Variants in FOXL2NB observed in about 807,000 individuals in gnomAD.
The protein encoded by FOXL2NB is FOXL2 neighbor protein.
FOXL2NB carries 10 observed loss-of-function variants against 7.4 expected under a neutral mutation model. That is an observed-to-expected ratio of 1.34 (90% confidence interval 0.83 to 2.28). FOXL2NB has a LOEUF of 2.28. FOXL2NB is among the 30% of genes most tolerant of loss of function. FOXL2NB has a pLI of 0.00. For missense variants in FOXL2NB, 228 were observed against 233.9 expected, an observed-to-expected ratio of 0.97 and a Z score of 0.17; for synonymous variants, 104 against 105.3, an observed-to-expected ratio of 0.99 and a Z score of 0.08.
rs1936074847 is a variant in FOXL2NB, at chr3:138,949,616, G to A, written c.197G>A (p.Arg66Gln). 1 of 1,552,014 alleles carries A rather than the reference G, an allele frequency of 6.4e-7. No homozygotes were observed. The highest frequency in any genetic ancestry group is 1.1e-5 in the South Asian group (1 of 89,370). Residue 66 changes from arginine (R) to glutamine (Q), a missense_variant, in exon 2 of 3, where the codon CGG becomes CAG. Arg to Gln is a conservative substitution (Grantham distance 43, BLOSUM62 1). Transcript: ENST00000383165. This position sits in a 1 kb window ranked among gnomAD's most constrained non-coding sequence, Gnocchi z 4.5. ...LPKMCLHMAV[R>Q]HSKAQKTGPG... ...AAGATGTGCCTTCACATGGCTGTCC[G>A]GCATTCGAAGGCTCAGAAAACAGGC...
chr3:138,947,303 G>A lies in FOXL2NB; in HGVS notation c.-62G>A, dbSNP rs912548249. 11 of 1,373,696 alleles carry A rather than the reference G, an allele frequency of 8.0e-6. No individual in the cohort carries two copies. The African/African-American group carries it at 1.6e-4, about 20-fold the overall frequency. The allele number at this position is 1,373,696 out of a possible 1,614,324, so 85.1% of individuals were successfully genotyped here. ...CCCAGCGAGCCTCAGGGGCCCAGCC[G>A]ACAGCCAGGCTCACGCGCCCTTGAA... On this transcript the variant is annotated 5_prime_UTR_variant, in exon 1 of 3. Coordinates refer to ENST00000383165, the MANE Select transcript of FOXL2NB (RefSeq NM_001040061.3). This position sits in a 1 kb window ranked among gnomAD's most constrained non-coding sequence, Gnocchi z 5.2.
intron 2 of FOXL2NB, chr3:138,950,058 G>C (rs1178545732): frequency 9.8e-6 from 7 of 715,006 alleles, no homozygotes; most frequent in African/African-American, 1.7e-5. Flanking sequence ...AGTTTTCCAG[G>C]GTCCCGCAGC....
rs1936172844 is a variant in FOXL2NB at position 138,953,416 on chromosome 3, TA to T, written c.*2845del. The T allele has an allele frequency of 6.6e-6, 1 of 152,280 alleles. No homozygotes were observed. The highest frequency in any genetic ancestry group is 2.4e-5 in the African/African-American group (1 of 41,478). 9.4% of individuals were successfully genotyped at this position (152,280 alleles called of 1,614,324 possible). On this transcript the variant is annotated 3_prime_UTR_variant, in exon 3 of 3. Transcript: ENST00000383165. ...TCCATACTTGAGTTACTTCACTTAGTATAATGGTCTCCAGCTCCATCCAGGT... is the reference window on the plus strand; with the variant it reads ...TCCATACTTGAGTTACTTCACTTAGTTAATGGTCTCCAGCTCCATCCAGGT...
rs1936064622 is a variant in FOXL2NB, at chr3:138,949,244, C to CT, written c.101-273dup. On this transcript the variant is annotated intron_variant, in intron 1 of 2. Transcript: ENST00000383165. This position sits in a 1 kb window ranked among gnomAD's most constrained non-coding sequence, Gnocchi z 4.5. ...AGGCTGGCTCTCTGCGTCTCTCTGTCTTTCTTTCTTCTTCTCACAGGCATT... is the reference window on the plus strand; with the variant it reads ...AGGCTGGCTCTCTGCGTCTCTCTGTCTTTTCTTTCTTCTTCTCACAGGCATT... Among the ~76,000 whole-genome samples the CT allele has an allele frequency of 6.6e-6, 1 of 151,690 alleles. No individual in the cohort carries two copies. Among genetic ancestry groups the CT allele is most frequent in the South Asian group, 2.1e-4 (1 of 4,794 alleles).
At chr3:138,950,212 A>G (rs1427553236) in intron 2 of FOXL2NB, 53 bp from the exon 3 acceptor site, 1 of 1,579,004 alleles carries the variant, frequency 6.3e-7, no homozygotes, top group South Asian at 1.1e-5. Context: ...GGAGGTCCCG[A>G]CAGCCGGCGC....
rs541876005 is a variant in FOXL2NB at position 138,949,088 on chromosome 3, C to A, written c.101-432C>A. Among the ~76,000 whole-genome samples, 1 of 152,256 alleles carries A rather than the reference C, an allele frequency of 6.6e-6. No individual in the cohort carries two copies. Among genetic ancestry groups the A allele is most frequent in the East Asian group, 1.9e-4 (1 of 5,184 alleles). On this transcript the variant is annotated intron_variant, in intron 1 of 2. Coordinates refer to ENST00000383165, the MANE Select transcript of FOXL2NB (RefSeq NM_001040061.3). This position sits in a 1 kb window ranked among gnomAD's most constrained non-coding sequence, Gnocchi z 4.5. ...GAGTGGTGAGTCCGGTTTGGGGCTG[C>A]TGCAGATTGGCCTCAGTGCCTATCC...
chr3:138,950,880 A>G lies in FOXL2NB; in HGVS notation c.*308A>G. On this transcript the variant is annotated 3_prime_UTR_variant, in exon 3 of 3. Coordinates refer to ENST00000383165, the MANE Select transcript of FOXL2NB (RefSeq NM_001040061.3). ...CACACGCTGCTCACTTTCGCATCTC[A>G]CGGTGCAGAAGGACCAATGGGCTCC... The G allele has an allele frequency of 5.2e-6, 2 of 382,460 alleles. No homozygotes were observed. Among genetic ancestry groups the G allele is most frequent in the Non-Finnish European group, 9.4e-6 (2 of 212,330 alleles). 23.7% of individuals were successfully genotyped at this position (382,460 alleles called of 1,614,324 possible).
In FOXL2NB at chr3:138,950,458, C is replaced by T. The variant is rs768099953; in HGVS notation, c.414C>T (p.Thr138=). Residue 138 remains threonine, a synonymous_variant, in exon 3 of 3, where the codon ACC becomes ACT. Coordinates refer to ENST00000383165, the MANE Select transcript of FOXL2NB (RefSeq NM_001040061.3). ...LSPFLAGPRN[T]RRLPAPERER... The stretch of plus-strand genomic sequence containing the variant: ...CTTTCCTAGCGGGACCCCGAAACAC[C>T]CGGCGGCTTCCCGCTCCTGAGCGGG... 1.2e-6 allele frequency: 2 copies of T among 1,614,128 alleles called. No homozygotes were observed. Among genetic ancestry groups the T allele is most frequent in the South Asian group, 2.2e-5 (2 of 91,084 alleles).
In FOXL2NB at chr3:138,947,817, G is replaced by C; in HGVS notation, c.100+353G>C. On this transcript the variant is annotated intron_variant, in intron 1 of 2. Transcript: ENST00000383165. The surrounding 1 kb of genome is among the most constrained non-coding windows in gnomAD (Gnocchi z 5.2). ...CTAATCCTACGGGGTTGGAGTGAAG[G>C]TTGGATGTGTGCTTTAACAGCACCA... 1 of 1,049,686 alleles carries C rather than the reference G, an allele frequency of 9.5e-7. No individual in the cohort carries two copies. The highest frequency in any genetic ancestry group is 1.1e-6 in the Non-Finnish European group (1 of 871,296). The allele number at this position is 1,049,686 out of a possible 1,614,324, so 65.0% of individuals were successfully genotyped here.
intron 1 of FOXL2NB, among the ~76,000 whole-genome samples, chr3:138,948,728 G>T (rs913192590): frequency 6.6e-6 from 1 of 152,172 alleles, no homozygotes; most frequent in African/African-American, 2.4e-5. Flanking sequence ...GCATCCACAG[G>T]CCATCTACAA....
In FOXL2NB at chr3:138,950,807, A is replaced by T. The variant is rs148747328; in HGVS notation, c.*235A>T. 1 of 556,976 alleles carries T rather than the reference A, an allele frequency of 1.8e-6. No individual in the cohort carries two copies. Among genetic ancestry groups the T allele is most frequent in the South Asian group, 2.4e-5 (1 of 40,884 alleles). 34.5% of individuals were successfully genotyped at this position (556,976 alleles called of 1,614,324 possible). On this transcript the variant is annotated 3_prime_UTR_variant, in exon 3 of 3. Coordinates refer to ENST00000383165, the MANE Select transcript of FOXL2NB (RefSeq NM_001040061.3). ...ACACGTACTAATTCAGATTTTGCAC[A>T]TGTTGGTGGAAAACATGTCAAGCCA...
Position 138,947,863 on chromosome 3 carries a change from T to G in FOXL2NB, c.100+399T>G. 9.9e-7 allele frequency: 1 copy of G among 1,005,842 alleles called. No individual in the cohort carries two copies. The highest frequency in any genetic ancestry group is 1.2e-6 in the Non-Finnish European group (1 of 843,534). 62.3% of individuals were successfully genotyped at this position (1,005,842 alleles called of 1,614,324 possible). A position where few individuals can be genotyped will look rare whatever the true frequency, so the allele number is the denominator to read the frequency against. On this transcript the variant is annotated intron_variant, in intron 1 of 2. Coordinates refer to ENST00000383165, the MANE Select transcript of FOXL2NB (RefSeq NM_001040061.3). This position sits in a 1 kb window ranked among gnomAD's most constrained non-coding sequence, Gnocchi z 5.2. ...CACCAAGTAGATGCCCCTCAGCTAT[T>G]GCACTAACACAGGCGGGGCTGTTGC... is the stretch of plus-strand genomic sequence containing the variant.
Position 138,950,724 on chromosome 3 carries a change from C to T in FOXL2NB, c.*152C>T, listed in dbSNP as rs192897846. 38 of 762,782 alleles carry T rather than the reference C, an allele frequency of 5.0e-5. No homozygotes were observed. In the East Asian group the frequency reaches 9.9e-4, roughly 20 times the overall value. 47.3% of individuals were successfully genotyped at this position (762,782 alleles called of 1,614,324 possible). A position where few individuals can be genotyped will look rare whatever the true frequency, so the allele number is the denominator to read the frequency against. ...CACTTCTCTCTCCTTCTCCCTCTGT[C>T]AACTCCAAATCCCCTCTAGTTCTCC... On this transcript the variant is annotated 3_prime_UTR_variant, in exon 3 of 3. Transcript: ENST00000383165.
rs956084949 is a variant in FOXL2NB at position 138,947,809 on chromosome 3, G to C, written c.100+345G>C. On this transcript the variant is annotated intron_variant, in intron 1 of 2. Coordinates refer to ENST00000383165, the MANE Select transcript of FOXL2NB (RefSeq NM_001040061.3). This position sits in a 1 kb window ranked among gnomAD's most constrained non-coding sequence, Gnocchi z 5.2. ...TCCGTGTACTAATCCTACGGGGTTG[G>C]AGTGAAGGTTGGATGTGTGCTTTAA... The C allele has an allele frequency of 1.9e-6, 2 of 1,065,046 alleles. No individual in the cohort carries two copies. Among genetic ancestry groups the C allele is most frequent in the African/African-American group, 3.4e-5 (2 of 59,136 alleles). The allele number at this position is 1,065,046 out of a possible 1,614,324, so 66.0% of individuals were successfully genotyped here.
Position 138,950,754 on chromosome 3 carries a change from C to T in FOXL2NB, c.*182C>T. On this transcript the variant is annotated 3_prime_UTR_variant, in exon 3 of 3. Coordinates refer to ENST00000383165, the MANE Select transcript of FOXL2NB (RefSeq NM_001040061.3). ...CCAAATCCCCTCTAGTTCTCCCTCCCCTCCTACTTCTCTCACACTCACCAG... is the reference window on the plus strand; with the variant it reads ...CCAAATCCCCTCTAGTTCTCCCTCCTCTCCTACTTCTCTCACACTCACCAG... The T allele has an allele frequency of 1.6e-6, 1 of 633,004 alleles. No homozygotes were observed. The highest frequency in any genetic ancestry group is 2.7e-6 in the Non-Finnish European group (1 of 370,084). The allele number at this position is 633,004 out of a possible 1,614,324, so 39.2% of individuals were successfully genotyped here. A position where few individuals can be genotyped will look rare whatever the true frequency, so the allele number is the denominator to read the frequency against.
Position 138,949,585 on chromosome 3 carries a change from C to G in FOXL2NB, c.166C>G (p.Leu56Val). ...ACTLGRAGIG[L>V]PKMCLHMAVR... ...CACCCTGGGAAGGGCTGGAATCGGT[C>G]TCCCCAAGATGTGCCTTCACATGGC... is the stretch of plus-strand genomic sequence containing the variant. The change falls in exon 2 of 3, where the codon CTC becomes GTC. Residue 56 changes from leucine to valine, a missense_variant. Leu to Val is a conservative substitution (Grantham distance 32). Transcript: ENST00000383165. This position sits in a 1 kb window ranked among gnomAD's most constrained non-coding sequence, Gnocchi z 4.5. The G allele has an allele frequency of 6.2e-7, 1 of 1,613,814 alleles. No individual in the cohort carries two copies. The highest frequency in any genetic ancestry group is 8.5e-7 in the Non-Finnish European group (1 of 1,179,702).
chr3:138,950,735 C>A lies in FOXL2NB; in HGVS notation c.*163C>A. ...CCTTCTCCCTCTGTCAACTCCAAAT[C>A]CCCTCTAGTTCTCCCTCCCCTCCTA... On this transcript the variant is annotated 3_prime_UTR_variant, in exon 3 of 3. Coordinates refer to ENST00000383165, the MANE Select transcript of FOXL2NB (RefSeq NM_001040061.3). 1 of 694,472 alleles carries A rather than the reference C, an allele frequency of 1.4e-6. No individual in the cohort carries two copies. Among genetic ancestry groups the A allele is most frequent in the Non-Finnish European group, 2.4e-6 (1 of 414,468 alleles). 43.0% of individuals were successfully genotyped at this position (694,472 alleles called of 1,614,324 possible).
At position 138,949,691 on chromosome 3, in the gene FOXL2NB, T is replaced by C. The variant is rs772271367; in HGVS notation, c.220+52T>C. ...GCAGAATGATTACTTTCAGGTCCCC[T>C]CCAGGCTTCTGCGGAAAAGCCAGGG... is the stretch of plus-strand genomic sequence containing the variant. On this transcript the variant is annotated intron_variant, in intron 2 of 2. Coordinates refer to ENST00000383165, the MANE Select transcript of FOXL2NB (RefSeq NM_001040061.3). The surrounding 1 kb of genome is among the most constrained non-coding windows in gnomAD (Gnocchi z 4.5). The C allele has an allele frequency of 1.9e-6, 3 of 1,612,530 alleles. No homozygotes were observed. The highest frequency in any genetic ancestry group is 3.3e-5 in the Admixed American group (2 of 60,006).
Position 138,949,393 on chromosome 3 carries a change from T to G in FOXL2NB, c.101-127T>G. 2.4e-6 allele frequency: 1 copy of G among 422,862 alleles called. No homozygotes were observed. Among genetic ancestry groups the G allele is most frequent in the Non-Finnish European group, 3.9e-6 (1 of 256,460 alleles). 26.2% of individuals were successfully genotyped at this position (422,862 alleles called of 1,614,324 possible). ...GAGCCTGTGTGTGTATGCATGTGCGTGTGTGTGTGTGTGTGTGTGTGTGTA... is the reference window on the plus strand; with the variant it reads ...GAGCCTGTGTGTGTATGCATGTGCGGGTGTGTGTGTGTGTGTGTGTGTGTA... On this transcript the variant is annotated intron_variant, in intron 1 of 2. Coordinates refer to ENST00000383165, the MANE Select transcript of FOXL2NB (RefSeq NM_001040061.3). This position sits in a 1 kb window ranked among gnomAD's most constrained non-coding sequence, Gnocchi z 4.5.
Sources: gnomAD v4.1 joint callset for allele counts (sites outside exome capture counted in the v4.1 genomes callset) on GRCh38, gnomAD v4.1.1 for gene constraint, Gnocchi (gnomAD v3.1) non-coding constraint, MANE v1.5 for transcripts, NCBI Gene and HGNC (gene_info 2026-07-23, HGNC 2026-07-21) for gene names.